FHIT: variants seen among roughly 807,000 people sequenced by gnomAD.
FHIT encodes the protein fragile histidine triad diadenosine triphosphatase.
FHIT carries 19 observed loss-of-function variants against 17.9 expected under a neutral mutation model. The observed-to-expected ratio is 1.06, with a 90% confidence interval of 0.74 to 1.56. FHIT has a LOEUF of 1.56. Among genes scored for constraint, FHIT ranks in the 40% most tolerant of loss-of-function variants. FHIT has a pLI of 0.00. For missense variants in FHIT, 248 were observed against 189.2 expected, an observed-to-expected ratio of 1.31 and a Z score of -1.82; for synonymous variants, 81 against 69.7, an observed-to-expected ratio of 1.16 and a Z score of -0.81.
At chr3:60,060,542 G>T (rs573409520) in intron 5 of FHIT, among the ~76,000 whole-genome samples, 15 of 152,212 alleles carry the variant, frequency 9.9e-5, no homozygotes, top group African/African-American at 3.6e-4. Flanking sequence ...AACTGTTCCT[G>T]GGAAATGGTT....
chr3:60,957,233 CTTTTTTT>C (rs35221092), intron 3 of FHIT, among the ~76,000 whole-genome samples: 8 of 97,140 alleles, frequency 8.2e-5, no homozygotes, highest in South Asian at 7.8e-4. Context: ...TTCTTTCTTT[CTTTTTTT>C]TTTTTTTTTT....
At chr3:60,536,403 T>G (rs1199495242) in intron 5 of FHIT, 1 of 153,390 alleles carries the variant, frequency 6.5e-6, no homozygotes, top group Non-Finnish European at 1.5e-5. Context: ...ACTTGAATGA[T>G]CTCCAAGAGG....
intron 4 of FHIT, among the ~76,000 whole-genome samples, chr3:60,714,132 C>T (rs1402475479): frequency 1.2e-4 from 19 of 152,122 alleles, no homozygotes; most frequent in Non-Finnish European, 2.1e-4. Context: ...GTTCAATATA[C>T]GCAAATCAAT....
intron 2 of FHIT, among the ~76,000 whole-genome samples, chr3:61,150,519 T>C (rs188935135): frequency 2.6e-4 from 40 of 152,282 alleles, no homozygotes; most frequent in African/African-American, 9.4e-4. Flanking sequence ...AATGTTCTTA[T>C]GTAGGACAGG....
At chr3:60,441,270 C>T (rs2030773830) in intron 5 of FHIT, among the ~76,000 whole-genome samples, 1 of 152,042 alleles carries the variant, frequency 6.6e-6, no homozygotes, top group Non-Finnish European at 1.5e-5. Context: ...GCTGTACTAC[C>T]AGTAAGTTTG....
chr3:60,924,153 G>C (rs1553769184), intron 3 of FHIT, among the ~76,000 whole-genome samples: 1 of 152,162 alleles, frequency 6.6e-6, no homozygotes, highest in Non-Finnish European at 1.5e-5. Context: ...ACAAACAAAA[G>C]GCAGCAAAAA....
In FHIT at chr3:60,733,133, G is replaced by C. The variant is rs528894234; in HGVS notation, c.-18+88786C>G. Among the ~76,000 whole-genome samples, 7 of 152,304 alleles carry C rather than the reference G, an allele frequency of 4.6e-5. No individual in the cohort carries two copies. The East Asian group carries it at 1.4e-3, about 29-fold the overall frequency. ...TCAACAGTGCAAGCATGATGCTAGAGAGCAATTAACCTTTGACTTCAGTGT... is the reference window on the plus strand; with the variant it reads ...TCAACAGTGCAAGCATGATGCTAGACAGCAATTAACCTTTGACTTCAGTGT... On this transcript the variant is annotated intron_variant, in intron 4 of 9. Transcript: ENST00000492590.
intron 5 of FHIT, among the ~76,000 whole-genome samples, chr3:60,389,955 A>G (rs1292093125): frequency 1.3e-5 from 2 of 152,128 alleles, no homozygotes; most frequent in African/African-American, 2.4e-5. Flanking sequence ...GACCACCCCA[A>G]TAGTTTGCAA....
chr3:59,766,039 G>T (rs1701779232), intron 8 of FHIT, among the ~76,000 whole-genome samples: 1 of 152,142 alleles, frequency 6.6e-6, no homozygotes, highest in Admixed American at 6.5e-5. Context: ...AAGTCACAAA[G>T]CAATGGTGAG....
At chr3:60,632,111 T>A (rs979158804) in intron 4 of FHIT, among the ~76,000 whole-genome samples, 3 of 152,150 alleles carry the variant, frequency 2.0e-5, no homozygotes, top group Middle Eastern at 3.4e-3. Context: ...TGTTTTTTTT[T>A]AATTGCAACT....
At chr3:60,016,729 T>C (rs3912492) in intron 5 of FHIT, among the ~76,000 whole-genome samples, 27,588 of 152,090 alleles carry the variant, frequency 0.18, 3,006 homozygotes, top group East Asian at 0.32. Context: ...CTTTTCCATC[T>C]CATTTTACAT....
At chr3:60,806,006 A>G (rs1701372049) in intron 4 of FHIT, among the ~76,000 whole-genome samples, 1 of 152,242 alleles carries the variant, frequency 6.6e-6, no homozygotes, top group Non-Finnish European at 1.5e-5. Flanking sequence ...AATATTCTGT[A>G]TATTACTTAA....
At position 60,198,648 on chromosome 3, in the gene FHIT, G is replaced by A. The variant is rs149177854; in HGVS notation, c.104-184496C>T. Reference sequence around the variant, plus strand: ...TCCCTTTGGTATGCTCAAGTCCCACGTGCAAAATACCATCACCGTCAACTT... The same window carrying A: ...TCCCTTTGGTATGCTCAAGTCCCACATGCAAAATACCATCACCGTCAACTT... On this transcript the variant is annotated intron_variant, in intron 5 of 9. Coordinates refer to ENST00000492590, the MANE Select transcript of FHIT (RefSeq NM_002012.4). 2.0e-3 allele frequency among the ~76,000 whole-genome samples: 310 copies of A among 152,222 alleles called. 1 individual carries two copies. Among genetic ancestry groups the A allele is most frequent in the Middle Eastern group, 6.8e-3 (2 of 294 alleles).
Position 60,731,148 on chromosome 3 carries a change from TAAAAATA to T in FHIT, c.-18+90764_-18+90770del, listed in dbSNP as rs1286609332. ...TCTGTCTCAAAAATAAATAAATAAA[TAAAAATA>T]AAAAATAAAAATAAGACAGCAGTAC... is the stretch of plus-strand genomic sequence containing the variant. On this transcript the variant is annotated intron_variant, in intron 4 of 9. Coordinates refer to ENST00000492590, the MANE Select transcript of FHIT (RefSeq NM_002012.4). 4.6e-5 allele frequency among the ~76,000 whole-genome samples: 7 copies of T among 151,572 alleles called. No homozygotes were observed. The South Asian group carries it at 1.0e-3, about 23-fold the overall frequency.
intron 4 of FHIT, among the ~76,000 whole-genome samples, chr3:60,544,352 CT>C (rs943810845): frequency 1.1e-4 from 16 of 151,482 alleles, no homozygotes; most frequent in African/African-American, 3.9e-4. Flanking sequence ...GGGTTGATAC[CT>C]TTTTTTAAAA....
intron 4 of FHIT, among the ~76,000 whole-genome samples, chr3:60,575,200 G>C (rs2037524685): frequency 1.3e-5 from 2 of 152,292 alleles, no homozygotes; most frequent in South Asian, 4.1e-4. Context: ...TGAGTAGGTT[G>C]ATAGCAAGCT....
At chr3:60,472,120 C>CTAAA (rs398091485) in intron 5 of FHIT, among the ~76,000 whole-genome samples, 1 of 146,252 alleles carries the variant, frequency 6.8e-6, no homozygotes, top group African/African-American at 2.6e-5. Flanking sequence ...ATCCACGTAA[C>CTAAA]GTAACTGCAC....
chr3:60,863,256 C>A (rs1575614225), intron 3 of FHIT, among the ~76,000 whole-genome samples: 4 of 152,202 alleles, frequency 2.6e-5, no homozygotes. Flanking sequence ...TTCAGTCCTA[C>A]AACCACAAAG....
At chr3:60,715,456 T>C (rs1463370786) in intron 4 of FHIT, among the ~76,000 whole-genome samples, 13 of 151,682 alleles carry the variant, frequency 8.6e-5, no homozygotes, top group Non-Finnish European at 1.8e-4. Flanking sequence ...AAATGATGAG[T>C]TCATGTCCTT....
Sources: gnomAD v4.1 joint callset for allele counts (sites outside exome capture counted in the v4.1 genomes callset) on GRCh38, gnomAD v4.1.1 for gene constraint, MANE v1.5 for transcripts, NCBI Gene and HGNC (gene_info 2026-07-23, HGNC 2026-07-21) for gene names.